The following SLC44A5 variants were observed in gnomAD, a reference collection of about 807,000 sequenced individuals.
SLC44A5 encodes the protein solute carrier family 44 member 5, also known as choline transporter-like protein 5.
SLC44A5 carries 57 observed loss-of-function variants against 101.8 expected under a neutral mutation model. The observed-to-expected ratio is 0.56, with a 90% CI of 0.45 to 0.70. The LOEUF is 0.70. SLC44A5 is among the 30% of genes least tolerant of loss of function. The pLI is 0.00. For synonymous variants in SLC44A5, 281 were observed against 290.9 expected (o/e 0.97, Z 0.35); for missense variants, 737 against 853.1 (o/e 0.86, Z 1.70).
intron 3 of SLC44A5, among the ~76,000 whole-genome samples, chr1:75,383,102 T>G (rs1661015918): frequency 5.6e-5 from 1 of 17,972 alleles, no homozygotes; most frequent in Non-Finnish European, 1.2e-4. Flanking sequence ...CGGGCAGCAA[T>G]ACTGCTTTGT....
intron 1 of SLC44A5, among the ~76,000 whole-genome samples, chr1:75,555,561 G>A (rs1023065562): frequency 6.6e-6 from 1 of 152,052 alleles, no homozygotes; most frequent in African/African-American, 2.4e-5. Flanking sequence ...TTATAGGTTT[G>A]TTTACATGGA....
chr1:75,346,802 A>G (rs961298671), intron 3 of SLC44A5, among the ~76,000 whole-genome samples: 3 of 152,140 alleles, frequency 2.0e-5, no homozygotes, highest in African/African-American at 7.2e-5. Context: ...CTCTAATTAC[A>G]TTGAAACAAT....
chr1:75,526,992 G>C (rs535188310), intron 2 of SLC44A5, among the ~76,000 whole-genome samples: 1 of 151,780 alleles, frequency 6.6e-6, no homozygotes, highest in Non-Finnish European at 1.5e-5. Flanking sequence ...AAAACTAGCC[G>C]GGCATGGTGG....
intron 4 of SLC44A5, among the ~76,000 whole-genome samples, chr1:75,302,123 T>TTTTTTG (rs1344204621): frequency 2.1e-5 from 3 of 139,762 alleles, no homozygotes; most frequent in Non-Finnish European, 4.6e-5. Flanking sequence ...TTTTTTTTTT[T>TTTTTTG]TTTTTTTTTT....
chr1:75,334,892 T>A (rs1000919228), intron 4 of SLC44A5, among the ~76,000 whole-genome samples: 2 of 152,222 alleles, frequency 1.3e-5, no homozygotes, highest in Non-Finnish European at 2.9e-5. Flanking sequence ...CACTCTTCCT[T>A]GGTGCTCCAA....
At chr1:75,413,924 C>G (rs139723502) in intron 2 of SLC44A5, among the ~76,000 whole-genome samples, 3 of 152,316 alleles carry the variant, frequency 2.0e-5, no homozygotes, top group Non-Finnish European at 4.4e-5. Flanking sequence ...GCCAGTCTTG[C>G]TTTTCTTCCC....
At chr1:75,373,106 A>T (rs1660337759) in intron 3 of SLC44A5, among the ~76,000 whole-genome samples, 1 of 152,230 alleles carries the variant, frequency 6.6e-6, no homozygotes, top group Non-Finnish European at 1.5e-5. Flanking sequence ...TCAAAGTGTC[A>T]GAATCAAGAA....
chr1:75,672,138 C>A, the SLC44A5 span, among the ~76,000 whole-genome samples: 1 of 152,044 alleles, frequency 6.6e-6, no homozygotes, highest in African/African-American at 2.4e-5. Context: ...GCCATGCAAA[C>A]CAACAACTTG....
At chr1:75,672,795 C>T in the SLC44A5 span, among the ~76,000 whole-genome samples, 1 of 152,264 alleles carries the variant, frequency 6.6e-6, no homozygotes, top group East Asian at 1.9e-4. Context: ...AGGCAGAGTC[C>T]TGAGGCACCC....
At chr1:75,577,767 T>A (rs547008699) in intron 1 of SLC44A5, among the ~76,000 whole-genome samples, 1 of 152,178 alleles carries the variant, frequency 6.6e-6, no homozygotes, top group Admixed American at 6.5e-5. Context: ...TCATTGTATA[T>A]CCCCATATCC....
At chr1:75,598,257 T>C (rs762114528) in intron 1 of SLC44A5, among the ~76,000 whole-genome samples, 2 of 152,060 alleles carry the variant, frequency 1.3e-5, no homozygotes, top group Non-Finnish European at 2.9e-5. Flanking sequence ...ATGGCTATTA[T>C]TAAGAAGCCA....
intron 3 of SLC44A5, among the ~76,000 whole-genome samples, chr1:75,346,305 T>A (rs1026768935): frequency 6.6e-5 from 10 of 152,184 alleles, no homozygotes; most frequent in African/African-American, 2.4e-4. Context: ...AGAAACATTT[T>A]CCAAATCACT....
intron 2 of SLC44A5, among the ~76,000 whole-genome samples, chr1:75,413,937 G>C (rs1323443090): frequency 1.3e-5 from 2 of 152,068 alleles, no homozygotes; most frequent in African/African-American, 4.8e-5. Context: ...TTCTTCCCTT[G>C]GCTGTTGTCT....
chr1:75,564,319 A>G lies in SLC44A5; in HGVS notation c.-69-22803T>C, dbSNP rs575268288. Among the ~76,000 whole-genome samples, 433 of 152,320 alleles carry G rather than the reference A, an allele frequency of 2.8e-3. 1 individual carries two copies. The highest frequency in any genetic ancestry group is 3.9e-3 in the Non-Finnish European group (266 of 68,028). ...ATGTCGAAGTGATCCACTGGGGTAAAGAAAGAGCAAATTTGATTTTCAAGC... is the reference window on the plus strand; with the variant it reads ...ATGTCGAAGTGATCCACTGGGGTAAGGAAAGAGCAAATTTGATTTTCAAGC... On this transcript the variant is annotated intron_variant, in intron 1 of 23. Coordinates refer to ENST00000370859, the MANE Select transcript of SLC44A5 (RefSeq NM_001130058.2).
intron 12 of SLC44A5, among the ~76,000 whole-genome samples, chr1:75,231,282 C>T (rs1380041868): frequency 6.6e-6 from 1 of 152,098 alleles, no homozygotes; most frequent in African/African-American, 2.4e-5. Flanking sequence ...CTTGGTTCCC[C>T]GCTTTGATTT....
intron 6 of SLC44A5, among the ~76,000 whole-genome samples, chr1:75,256,980 A>G (rs529155273): frequency 6.6e-6 from 1 of 152,284 alleles, no homozygotes; most frequent in East Asian, 1.9e-4. Context: ...AAAATAAAAT[A>G]AGCTTATTAT....
intron 3 of SLC44A5, among the ~76,000 whole-genome samples, chr1:75,356,226 A>AT (rs1324116501): frequency 6.7e-6 from 1 of 150,238 alleles, no homozygotes; most frequent in Non-Finnish European, 1.5e-5. Flanking sequence ...AAAAAAAAAA[A>AT]AAAAAAGAGA....
the SLC44A5 span, among the ~76,000 whole-genome samples, chr1:75,660,721 T>G: frequency 5.3e-5 from 8 of 152,070 alleles, no homozygotes; most frequent in Non-Finnish European, 1.0e-4. Context: ...ACAATAGCTA[T>G]GAAATATAGA....
At chr1:75,584,397 A>G (rs1673876636) in intron 1 of SLC44A5, among the ~76,000 whole-genome samples, 1 of 152,226 alleles carries the variant, frequency 6.6e-6, no homozygotes, top group Admixed American at 6.5e-5. Flanking sequence ...TTACACAGTA[A>G]AAGTGGTAAA....
Sources: allele counts gnomAD v4.1 joint callset (sites outside exome capture counted in the v4.1 genomes callset), GRCh38; gene constraint gnomAD v4.1.1; transcripts MANE v1.5; gene names NCBI Gene and HGNC (gene_info 2026-07-23, HGNC 2026-07-21).